KAZN: variants seen among roughly 807,000 people sequenced by gnomAD.
The protein encoded by KAZN is kazrin.
A neutral mutation model predicts 87.4 loss-of-function variants in KAZN; 40 were observed. The ratio of observed to expected loss-of-function variants is 0.46; its 90% CI spans 0.36 to 0.60. The LOEUF is 0.60. Ranked by LOEUF, KAZN falls within the 20% of genes least tolerant of loss-of-function variation. The pLI is 0.00. For synonymous variants in KAZN, 466 were observed against 458.3 expected (o/e 1.02, Z -0.22); for missense variants, 898 against 1,073.9 (o/e 0.84, Z 2.29).
rs66777443 is a variant in KAZN, at chr1:14,940,898, CTTTTTTTTTTTTTTT to C, written c.227-19769_227-19755del. 1.8e-4 allele frequency among the ~76,000 whole-genome samples: 10 copies of C among 54,404 alleles called. No individual in the cohort carries two copies. The East Asian group carries it at 2.6e-3, about 14-fold the overall frequency. 35.7% of individuals were successfully genotyped at this position (54,404 alleles called of 152,430 possible). On this transcript the variant is annotated intron_variant, in intron 1 of 14. Coordinates refer to ENST00000376030, the MANE Select transcript of KAZN (RefSeq NM_201628.3). ...ACCAGACAGATGTCATTCTACCTTT[CTTTTTTTTTTTTTTT>C]TTTTTTTTTTTTTTTTCTGAGAGAC...
intron 1 of KAZN, among the ~76,000 whole-genome samples, chr1:13,978,828 T>C (rs1425716076): frequency 6.6e-6 from 1 of 152,024 alleles, no homozygotes; most frequent in African/African-American, 2.4e-5. Context: ...TTTGAGCTGA[T>C]GTGGTGGCAT....
intron 2 of KAZN, among the ~76,000 whole-genome samples, chr1:14,463,674 G>A (rs1166656860): frequency 6.6e-6 from 1 of 152,056 alleles, no homozygotes; most frequent in African/African-American, 2.4e-5. Context: ...ATCAATTACT[G>A]TGGCTTCTAA....
At chr1:14,495,230 T>C (rs911535014) in intron 2 of KAZN, among the ~76,000 whole-genome samples, 26 of 152,198 alleles carry the variant, frequency 1.7e-4, no homozygotes, top group Admixed American at 5.2e-4. Flanking sequence ...GTAGATTTCA[T>C]TGAAGGTCAA....
intron 1 of KAZN, among the ~76,000 whole-genome samples, chr1:14,756,379 T>C (rs1012880128): frequency 2.0e-5 from 3 of 152,112 alleles, no homozygotes; most frequent in African/African-American, 7.2e-5. Flanking sequence ...TAGTCTTCTG[T>C]CAGCCCCCCT....
chr1:15,066,829 T>A lies in KAZN; in HGVS notation c.1222+1076T>A. 1.0e-6 allele frequency: 1 copy of A among 985,522 alleles called. No homozygotes were observed. The allele number at this position is 985,522 out of a possible 1,614,324, so 61.0% of individuals were successfully genotyped here. Reference sequence around the variant, plus strand: ...TTCTCTCTCCTTCTCTCTCTGTCTCTCCCATTCTCCTGCCCATGCATGAAA... The same window carrying A: ...TTCTCTCTCCTTCTCTCTCTGTCTCACCCATTCTCCTGCCCATGCATGAAA... On this transcript the variant is annotated intron_variant, in intron 8 of 14. Coordinates refer to ENST00000376030, the MANE Select transcript of KAZN (RefSeq NM_201628.3). The surrounding 1 kb of genome is among the most constrained non-coding windows in gnomAD (Gnocchi z 4.3).
At chr1:14,046,431 AC>A (rs1473423355) in intron 1 of KAZN, among the ~76,000 whole-genome samples, 2 of 53,942 alleles carry the variant, frequency 3.7e-5, no homozygotes, top group African/African-American at 1.4e-4. Flanking sequence ...GCAAAGCAAA[AC>A]CAAAAATAAA....
At chr1:13,972,282 T>C (rs971566711) in intron 1 of KAZN, among the ~76,000 whole-genome samples, 13 of 151,100 alleles carry the variant, frequency 8.6e-5, no homozygotes, top group South Asian at 2.1e-4. Flanking sequence ...TTTTCTTTTT[T>C]TTTTTTTTTG....
chr1:14,143,469 G>C (rs1480252221), intron 1 of KAZN, among the ~76,000 whole-genome samples: 2 of 152,098 alleles, frequency 1.3e-5, no homozygotes, highest in Non-Finnish European at 2.9e-5. Context: ...TACTGTGAAA[G>C]GTAAGGGTTT....
intron 1 of KAZN, among the ~76,000 whole-genome samples, chr1:13,911,068 A>G (rs1639635957): frequency 6.6e-6 from 1 of 152,036 alleles, no homozygotes; most frequent in Non-Finnish European, 1.5e-5. Context: ...TTTGTTTTTG[A>G]GATGGAGTCT....
chr1:13,922,006 T>C (rs1640087544), intron 1 of KAZN, among the ~76,000 whole-genome samples: 1 of 152,162 alleles, frequency 6.6e-6, no homozygotes, highest in Non-Finnish European at 1.5e-5. Context: ...GTTTTTTCCA[T>C]GTGTCTTTTC....
chr1:14,934,950 G>A (rs1411225262), intron 1 of KAZN, among the ~76,000 whole-genome samples: 5 of 152,248 alleles, frequency 3.3e-5, no homozygotes, highest in Admixed American at 2.0e-4. Context: ...TCGCTGATCT[G>A]GGGTAGCCCT....
chr1:14,466,702 C>T (rs377761693), intron 2 of KAZN, among the ~76,000 whole-genome samples: 120 of 150,878 alleles, frequency 8.0e-4, no homozygotes, highest in East Asian at 3.9e-3. Context: ...GGCGCGGTGG[C>T]TCACGCCTGT....
chr1:14,985,115 G>A (rs1208862297), intron 2 of KAZN, among the ~76,000 whole-genome samples: 14 of 149,440 alleles, frequency 9.4e-5, no homozygotes, highest in East Asian at 5.9e-4. Context: ...CAGCCTGGGC[G>A]ACAGAGCAAG....
At chr1:14,729,851 G>A (rs547707803) in intron 1 of KAZN, among the ~76,000 whole-genome samples, 1 of 152,192 alleles carries the variant, frequency 6.6e-6, no homozygotes, top group South Asian at 2.1e-4. Flanking sequence ...ATTTTTTAAT[G>A]GTTGGAAAAA....
chr1:14,469,371 C>A lies in KAZN; in HGVS notation c.250-129612C>A, dbSNP rs145006341. ...ATCAGGAATGAAAAACCAGTCCCCA[C>A]ACACAGCTAGTGAAAACTAAAAATT... On this transcript the variant is annotated intron_variant, in intron 2 of 16. Transcript: ENST00000636203. 8.5e-5 allele frequency among the ~76,000 whole-genome samples: 13 copies of A among 152,310 alleles called. No homozygotes were observed. In the East Asian group the frequency reaches 1.4e-3, roughly 16 times the overall value.
chr1:14,515,810 T>TG (rs1241714449), intron 2 of KAZN, among the ~76,000 whole-genome samples: 13 of 152,220 alleles, frequency 8.5e-5, no homozygotes, highest in Middle Eastern at 3.4e-3. Context: ...GTTTTCTTCA[T>TG]GGCTCAAATG....
At chr1:13,929,756 A>G (rs1640437024) in intron 1 of KAZN, among the ~76,000 whole-genome samples, 2 of 152,336 alleles carry the variant, frequency 1.3e-5, no homozygotes, top group Non-Finnish European at 2.9e-5. Context: ...AAAAGATCCA[A>G]TGCAGAGAAG....
intron 13 of KAZN, among the ~76,000 whole-genome samples, chr1:15,110,041 GTATA>G (rs138104181): frequency 2.0e-5 from 3 of 151,014 alleles, no homozygotes; most frequent in East Asian, 2.0e-4. Context: ...GTGTATGTGT[GTATA>G]TATATATGTG....
At chr1:14,511,397 G>A (rs1670898594) in intron 2 of KAZN, among the ~76,000 whole-genome samples, 1 of 152,132 alleles carries the variant, frequency 6.6e-6, no homozygotes, top group African/African-American at 2.4e-5. Flanking sequence ...AATCACTTCA[G>A]GGAGTAGAAA....
Sources: allele counts gnomAD v4.1 joint callset (sites outside exome capture counted in the v4.1 genomes callset), GRCh38; gene constraint gnomAD v4.1.1; non-coding constraint Gnocchi (gnomAD v3.1); transcripts MANE v1.5; gene names NCBI Gene and HGNC (gene_info 2026-07-23, HGNC 2026-07-21).